Variants in CNTNAP2 observed in about 807,000 individuals in gnomAD.
The protein encoded by CNTNAP2 is contactin-associated protein-like 2.
A neutral mutation model predicts 155.2 loss-of-function variants in CNTNAP2; 98 were observed. The ratio of observed to expected loss-of-function variants is 0.63; its 90% CI spans 0.54 to 0.75. The LOEUF is 0.75. CNTNAP2 is among the 30% of genes least tolerant of loss of function. The pLI is 0.00. For synonymous variants in CNTNAP2, 651 were observed against 631.2 expected (o/e 1.03, Z -0.47); for missense variants, 1,727 against 1,688.1 (o/e 1.02, Z -0.40).
intron 10 of CNTNAP2, among the ~76,000 whole-genome samples, chr7:147,481,090 G>A (rs1285430794): frequency 1.3e-5 from 2 of 152,080 alleles, no homozygotes; most frequent in Non-Finnish European, 2.9e-5. Context: ...CTATGACTAT[G>A]GTTTTCATTT....
chr7:146,783,786 C>T (rs139976894), intron 2 of CNTNAP2, among the ~76,000 whole-genome samples: 119 of 152,314 alleles, frequency 7.8e-4, no homozygotes, highest in African/African-American at 2.6e-3. Flanking sequence ...TACAAGTTTC[C>T]ATAATCAAAT....
intron 9 of CNTNAP2, among the ~76,000 whole-genome samples, chr7:147,325,258 C>T (rs751601174): frequency 1.2e-4 from 18 of 152,138 alleles, no homozygotes; most frequent in Non-Finnish European, 2.4e-4. Flanking sequence ...CGAGATCGCG[C>T]CACTACACTC....
At chr7:146,579,323 C>A in intron 1 of CNTNAP2, among the ~76,000 whole-genome samples, 1 of 152,018 alleles carries the variant, frequency 6.6e-6, no homozygotes, top group Non-Finnish European at 1.5e-5. Context: ...ATGATAGGAT[C>A]TATAAACCTA....
chr7:147,186,590 C>T (rs536743614), intron 8 of CNTNAP2, among the ~76,000 whole-genome samples: 2 of 152,274 alleles, frequency 1.3e-5, no homozygotes, highest in African/African-American at 4.8e-5. Context: ...CCCCTGTTCT[C>T]ATTGGAGTAG....
intron 13 of CNTNAP2, among the ~76,000 whole-genome samples, chr7:147,838,697 T>C (rs1798671488): frequency 1.3e-5 from 2 of 152,236 alleles, no homozygotes; most frequent in African/African-American, 4.8e-5. Context: ...TGGATTTTAC[T>C]GTCCATATCA....
At chr7:146,223,179 G>T (rs775809575) in intron 1 of CNTNAP2, among the ~76,000 whole-genome samples, 4 of 152,150 alleles carry the variant, frequency 2.6e-5, no homozygotes, top group Admixed American at 6.5e-5. Flanking sequence ...CTTTGTTCTT[G>T]TCACAGAGCT....
chr7:146,531,488 A>G (rs1797768507), intron 1 of CNTNAP2, among the ~76,000 whole-genome samples: 1 of 152,174 alleles, frequency 6.6e-6, no homozygotes, highest in African/African-American at 2.4e-5. Context: ...TAATCAGTAA[A>G]TGCCTGGAAG....
At chr7:147,701,248 A>T (rs1317150195) in intron 13 of CNTNAP2, among the ~76,000 whole-genome samples, 1 of 152,176 alleles carries the variant, frequency 6.6e-6, no homozygotes. Flanking sequence ...CCTAGTGTAA[A>T]GTATAAACCT....
intron 13 of CNTNAP2, among the ~76,000 whole-genome samples, chr7:147,902,818 G>GTA (rs1204723316): frequency 5.8e-5 from 7 of 121,358 alleles, no homozygotes; most frequent in African/African-American, 1.2e-4. Context: ...GTGTGTATGT[G>GTA]TGTGTGTGTG....
At chr7:146,258,207 CTTCA>C (rs1450169357) in intron 1 of CNTNAP2, among the ~76,000 whole-genome samples, 2 of 152,016 alleles carry the variant, frequency 1.3e-5, no homozygotes, top group Non-Finnish European at 2.9e-5. Flanking sequence ...AGCTATTTGT[CTTCA>C]TTCATTTATT....
intron 21 of CNTNAP2, among the ~76,000 whole-genome samples, chr7:148,323,268 C>A (rs926250579): frequency 1.5e-5 from 2 of 137,552 alleles, no homozygotes; most frequent in Non-Finnish European, 3.1e-5. Context: ...TTCTTCTGTG[C>A]CATATGGCTT....
chr7:147,447,375 G>A (rs567578625), intron 10 of CNTNAP2, among the ~76,000 whole-genome samples: 1 of 152,100 alleles, frequency 6.6e-6, no homozygotes, highest in Non-Finnish European at 1.5e-5. Context: ...AATATTTACA[G>A]TGACTTCAAT....
At chr7:148,413,713 A>G (rs749795728) in intron 23 of CNTNAP2, among the ~76,000 whole-genome samples, 2 of 151,980 alleles carry the variant, frequency 1.3e-5, no homozygotes, top group Non-Finnish European at 2.9e-5. Context: ...TAATTGTCCT[A>G]CCAGTTCTGC....
intron 1 of CNTNAP2, among the ~76,000 whole-genome samples, chr7:146,716,697 T>G (rs967037618): frequency 2.0e-5 from 3 of 152,192 alleles, no homozygotes; most frequent in Non-Finnish European, 4.4e-5. Context: ...ATTTCTCCCT[T>G]GGAGATGGCC....
At chr7:147,690,730 A>C (rs950967797) in intron 13 of CNTNAP2, among the ~76,000 whole-genome samples, 1 of 152,038 alleles carries the variant, frequency 6.6e-6, no homozygotes, top group African/African-American at 2.4e-5. Flanking sequence ...AGAATCATTT[A>C]TAAAACTTTT....
intron 9 of CNTNAP2, among the ~76,000 whole-genome samples, chr7:147,324,905 A>G (rs1251698721): frequency 6.6e-6 from 1 of 152,200 alleles, no homozygotes; most frequent in African/African-American, 2.4e-5. Context: ...CAACTAGGAA[A>G]AATGCATTGT....
chr7:147,998,773 G>A (rs955916814), intron 15 of CNTNAP2, among the ~76,000 whole-genome samples: 12 of 152,154 alleles, frequency 7.9e-5, no homozygotes, highest in Non-Finnish European at 1.5e-4. Context: ...GTTGGAACCA[G>A]AAAAACCGAC....
chr7:146,811,846 A>G (rs1406976846), intron 2 of CNTNAP2, among the ~76,000 whole-genome samples: 2 of 152,128 alleles, frequency 1.3e-5, no homozygotes, highest in Non-Finnish European at 2.9e-5. Flanking sequence ...TGGTTTTACA[A>G]GAGGCTTTTT....
intron 12 of CNTNAP2, among the ~76,000 whole-genome samples, chr7:147,578,442 G>A (rs988612652): frequency 6.6e-6 from 1 of 152,004 alleles, no homozygotes; most frequent in African/African-American, 2.4e-5. Flanking sequence ...TTTGTCTTTG[G>A]CTCTACAGAC....
Sources: allele counts gnomAD v4.1 joint callset (sites outside exome capture counted in the v4.1 genomes callset), GRCh38; gene constraint gnomAD v4.1.1; transcripts MANE v1.5; gene names NCBI Gene and HGNC (gene_info 2026-07-23, HGNC 2026-07-21).